CLEC16A: variants seen among roughly 807,000 people sequenced by gnomAD.
CLEC16A encodes the protein protein CLEC16A.
Under a neutral mutation model 109.5 loss-of-function variants are expected in CLEC16A, and 51 were observed. The observed-to-expected ratio is 0.47, with a 90% confidence interval of 0.37 to 0.59. CLEC16A has a LOEUF of 0.59. Among genes scored for constraint, CLEC16A ranks in the 20% least tolerant of loss-of-function variants. The pLI is 0.00. For missense variants in CLEC16A, 1,339 were observed against 1,394.0 expected, an observed-to-expected ratio of 0.96 and a Z score of 0.63; for synonymous variants, 673 against 564.2, an observed-to-expected ratio of 1.19 and a Z score of -2.73.
chr16:10,995,482 A>G (rs774157456), intron 10 of CLEC16A, among the ~76,000 whole-genome samples: 7 of 152,192 alleles, frequency 4.6e-5, no homozygotes, highest in Non-Finnish European at 8.8e-5. Flanking sequence ...GCGAGCAGTA[A>G]GTTGCTGGGA....
intron 8 of CLEC16A, among the ~76,000 whole-genome samples, chr16:10,978,561 C>T (rs1214086115): frequency 1.3e-5 from 2 of 152,234 alleles, no homozygotes; most frequent in African/African-American, 2.4e-5. Flanking sequence ...CATGAGCCAC[C>T]GTGCCCAGCC....
intron 2 of CLEC16A, among the ~76,000 whole-genome samples, chr16:10,959,014 GGTGTGTGTGTGTGT>G (rs59658260): frequency 2.7e-5 from 4 of 146,190 alleles, no homozygotes; most frequent in African/African-American, 7.6e-5. Context: ...ACTAAACACG[GGTGTGTGTGTGTGT>G]GTGTGTGTGT....
intron 22 of CLEC16A, among the ~76,000 whole-genome samples, chr16:11,142,707 A>G (rs921824463): frequency 6.6e-6 from 1 of 152,192 alleles, no homozygotes; most frequent in Non-Finnish European, 1.5e-5. Context: ...CCCTTCAGTG[A>G]TGTGAGTTTG....
At chr16:11,122,659 C>T (rs533454120) in intron 20 of CLEC16A, among the ~76,000 whole-genome samples, 81 of 152,260 alleles carry the variant, frequency 5.3e-4, no homozygotes, top group African/African-American at 1.9e-3. Context: ...CCTCTGTGAG[C>T]CTTTTCCAAT....
chr16:11,119,751 A>G (rs1432404203), intron 19 of CLEC16A, among the ~76,000 whole-genome samples: 1 of 152,006 alleles, frequency 6.6e-6, no homozygotes, highest in Non-Finnish European at 1.5e-5. Context: ...TTGGTGCCAT[A>G]TGAATTTTAG....
rs546606364 is a variant in CLEC16A at position 10,999,923 on chromosome 16, G to A, written c.1072-3151G>A. ...TTAATCTTGGTTTACTTCAACCTCC[G>A]CCTCCCAGGTTCGATCGATTCTCTT... On this transcript the variant is annotated intron_variant, in intron 10 of 23. Coordinates refer to ENST00000409790, the MANE Select transcript of CLEC16A (RefSeq NM_015226.3). Among the ~76,000 whole-genome samples the A allele has an allele frequency of 7.9e-5, 12 of 152,196 alleles. No homozygotes were observed. The East Asian group carries it at 1.3e-3, about 17-fold the overall frequency.
Position 11,009,656 on chromosome 16 carries a change from G to A in CLEC16A, c.1303+6351G>A, listed in dbSNP as rs1297642892. Among the ~76,000 whole-genome samples the A allele has an allele frequency of 3.3e-5, 5 of 152,188 alleles. 1 individual carries two copies. The East Asian group carries it at 9.6e-4, about 29-fold the overall frequency. ...TTGGACATGACGGGCCATGCTGCCT[G>A]GCATGGGAACTGATACTGTGCAGGC... On this transcript the variant is annotated intron_variant, in intron 11 of 23. Transcript: ENST00000409790.
chr16:10,970,363 C>G (rs1473573496), intron 4 of CLEC16A, among the ~76,000 whole-genome samples: 3 of 152,226 alleles, frequency 2.0e-5, no homozygotes, highest in African/African-American at 7.2e-5. Flanking sequence ...CTGCATCCCA[C>G]TGAGTACTTC....
At chr16:11,017,002 G>C (rs1194527854) in intron 11 of CLEC16A, among the ~76,000 whole-genome samples, 1 of 73,104 alleles carries the variant, frequency 1.4e-5, no homozygotes, top group East Asian at 4.9e-4. Context: ...TATCGGGGCG[G>C]GGGGGGGGGT....
In CLEC16A at chr16:11,080,974, T is replaced by C. The variant is rs1033485939; in HGVS notation, c.2116+19952T>C. On this transcript the variant is annotated intron_variant, in intron 19 of 23. Coordinates refer to ENST00000409790, the MANE Select transcript of CLEC16A (RefSeq NM_015226.3). Reference sequence around the variant, plus strand: ...GGTCGTGGGCATCTTTGGGGGCTATTACAGCCCACCCCAGGTGGGATGCAG... The same window carrying C: ...GGTCGTGGGCATCTTTGGGGGCTATCACAGCCCACCCCAGGTGGGATGCAG... 2.6e-5 allele frequency among the ~76,000 whole-genome samples: 4 copies of C among 152,322 alleles called. 1 individual carries two copies. Among genetic ancestry groups the C allele is most frequent in the Middle Eastern group, 6.8e-3 (2 of 294 alleles).
chr16:11,020,457 G>C (rs999103355), intron 12 of CLEC16A, 132 bp downstream of exon 12: 31 of 1,181,232 alleles, frequency 2.6e-5, no homozygotes, highest in Non-Finnish European at 3.4e-5. Flanking sequence ...TTCTTTCCCT[G>C]CTTCTCCAGC....
intron 8 of CLEC16A, 68 bp downstream of exon 8, chr16:10,977,467 C>A (rs2043084722): frequency 7.1e-7 from 1 of 1,404,328 alleles, no homozygotes; most frequent in African/African-American, 1.4e-5. Context: ...GTCCCCAGTC[C>A]CCTGGAATGG....
At chr16:11,076,645 G>A (rs1597306621) in intron 19 of CLEC16A, among the ~76,000 whole-genome samples, 1 of 152,176 alleles carries the variant, frequency 6.6e-6, no homozygotes, top group Non-Finnish European at 1.5e-5. Flanking sequence ...CCTGATATCT[G>A]ATCAACCACA....
At chr16:11,083,569 C>T (rs775872204) in intron 19 of CLEC16A, among the ~76,000 whole-genome samples, 17 of 152,338 alleles carry the variant, frequency 1.1e-4, no homozygotes, top group African/African-American at 2.9e-4. Context: ...CCAGAGCCCT[C>T]GGTCTCCTCC....
chr16:11,158,698 G>T (rs1239082652), intron 22 of CLEC16A, among the ~76,000 whole-genome samples: 1 of 151,896 alleles, frequency 6.6e-6, no homozygotes, highest in Non-Finnish European at 1.5e-5. Flanking sequence ...CGAGGGAAGA[G>T]GATCACTTTA....
chr16:11,086,905 C>G (rs12926153), intron 19 of CLEC16A, among the ~76,000 whole-genome samples: 19,670 of 152,160 alleles, frequency 0.13, 1,269 homozygotes, highest in African/African-American at 0.15. Flanking sequence ...AGAGGCAGTT[C>G]TGTGTCTGGG....
intron 23 of CLEC16A, among the ~76,000 whole-genome samples, chr16:11,166,842 C>T (rs1336170717): frequency 3.9e-5 from 6 of 152,354 alleles, no homozygotes; most frequent in Non-Finnish European, 8.8e-5. Context: ...CCTAAACCCA[C>T]CCTATCATCA....
intron 19 of CLEC16A, among the ~76,000 whole-genome samples, chr16:11,083,151 GT>G (rs112691837): frequency 0.21 from 20,559 of 99,552 alleles, 1,453 homozygotes; most frequent in African/African-American, 0.33. Context: ...TGTTGTTGTT[GT>G]TTGTTTGTTT....
chr16:10,965,402 T>C lies in CLEC16A; in HGVS notation c.343+2814T>C, dbSNP rs2042453021. Among the ~76,000 whole-genome samples, 3 of 152,168 alleles carry C rather than the reference T, an allele frequency of 2.0e-5. No homozygotes were observed. In the South Asian group the frequency reaches 6.2e-4, roughly 32 times the overall value. Reference sequence around the variant, plus strand: ...AGCCAAATGTTAGAAAAATGTAAAGTCAAGTTTCTGCAGAATTCAACCCTA... The same window carrying C: ...AGCCAAATGTTAGAAAAATGTAAAGCCAAGTTTCTGCAGAATTCAACCCTA... On this transcript the variant is annotated intron_variant, in intron 3 of 23. Transcript: ENST00000409790.
Sources: gnomAD v4.1 joint callset for allele counts (sites outside exome capture counted in the v4.1 genomes callset) on GRCh38, gnomAD v4.1.1 for gene constraint, MANE v1.5 for transcripts, NCBI Gene and HGNC (gene_info 2026-07-23, HGNC 2026-07-21) for gene names.